Variants in RBFOX1 observed in about 807,000 individuals in gnomAD.
The protein encoded by RBFOX1 is RNA binding protein fox-1 homolog 1.
In RBFOX1, 8 loss-of-function variants were observed where a neutral mutation model predicts 57.7. The ratio of observed to expected loss-of-function variants is 0.14; its 90% confidence interval spans 0.08 to 0.25. The LOEUF (loss-of-function observed/expected upper bound fraction) is 0.25. Ranked by LOEUF, RBFOX1 falls within the 10% of genes least tolerant of loss-of-function variation. RBFOX1 has a pLI of 1.00. For synonymous variants in RBFOX1, 326 were observed against 222.4 expected, an observed-to-expected ratio of 1.47 and a Z score of -4.15; for missense variants, 611 against 548.5, an observed-to-expected ratio of 1.11 and a Z score of -1.14.
At chr16:7,615,809 A>G (rs557522546) in intron 10 of RBFOX1, among the ~76,000 whole-genome samples, 1 of 152,226 alleles carries the variant, frequency 6.6e-6, no homozygotes, top group African/African-American at 2.4e-5. Context: ...GCAATGCACA[A>G]GACATTCCTT....
At chr16:5,831,879 C>G (rs1024175670) in intron 3 of RBFOX1, among the ~76,000 whole-genome samples, 1 of 152,094 alleles carries the variant, frequency 6.6e-6, no homozygotes, top group African/African-American at 2.4e-5. Flanking sequence ...GTGAATGACC[C>G]CATGCTTGGA....
chr16:6,385,411 G>A (rs565119555), intron 2 of RBFOX1, among the ~76,000 whole-genome samples: 1 of 152,224 alleles, frequency 6.6e-6, no homozygotes, highest in Admixed American at 6.5e-5. Flanking sequence ...CCAGGCTGGA[G>A]TGCAGTGCCG....
chr16:7,649,121 G>A (rs958189601), intron 11 of RBFOX1, among the ~76,000 whole-genome samples: 1 of 152,114 alleles, frequency 6.6e-6, no homozygotes, highest in Non-Finnish European at 1.5e-5. Flanking sequence ...AAAGTAAAAT[G>A]GGGAAAGTAC....
chr16:7,695,735 T>C lies in RBFOX1; in HGVS notation c.996-13321T>C, dbSNP rs544202625. 5.3e-5 allele frequency among the ~76,000 whole-genome samples: 8 copies of C among 151,644 alleles called. No homozygotes were observed. In the East Asian group the frequency reaches 1.4e-3, roughly 26 times the overall value. On this transcript the variant is annotated intron_variant, in intron 14 of 15. Coordinates refer to ENST00000550418, the MANE Select transcript of RBFOX1 (RefSeq NM_018723.4). ...ACTGTAATGAGCTCTCACCTCCTTA[T>C]AAAAACATTTATTAGAGCAGGTGTA...
At chr16:6,386,315 A>G (rs2092277078) in intron 2 of RBFOX1, among the ~76,000 whole-genome samples, 1 of 152,198 alleles carries the variant, frequency 6.6e-6, no homozygotes, top group African/African-American at 2.4e-5. Flanking sequence ...GGCTGGGAAC[A>G]CCAATACCCG....
intron 2 of RBFOX1, among the ~76,000 whole-genome samples, chr16:6,338,112 G>A (rs2084021745): frequency 6.6e-6 from 1 of 152,148 alleles, no homozygotes; most frequent in African/African-American, 2.4e-5. Context: ...TCTACTATCA[G>A]ATACTTTGGA....
intron 2 of RBFOX1, among the ~76,000 whole-genome samples, chr16:6,522,902 A>G (rs971355774): frequency 4.0e-5 from 6 of 151,800 alleles, no homozygotes; most frequent in African/African-American, 1.2e-4. Flanking sequence ...ATCCCACCTA[A>G]GTTCATTTTG....
At chr16:6,626,226 T>G (rs1426617716) in intron 2 of RBFOX1, among the ~76,000 whole-genome samples, 1 of 151,932 alleles carries the variant, frequency 6.6e-6, no homozygotes, top group African/African-American at 2.4e-5. Context: ...TTATGCCCTC[T>G]GATTTTGTGT....
intron 3 of RBFOX1, among the ~76,000 whole-genome samples, chr16:6,729,609 A>G: frequency 6.6e-6 from 1 of 152,158 alleles, no homozygotes; most frequent in Non-Finnish European, 1.5e-5. Context: ...GGGCTTCTAA[A>G]GGGTTCTTGG....
At chr16:5,936,900 G>T (rs866625213) in intron 4 of RBFOX1, among the ~76,000 whole-genome samples, 1 of 152,160 alleles carries the variant, frequency 6.6e-6, no homozygotes, top group African/African-American at 2.4e-5. Flanking sequence ...TGGGGGTGTT[G>T]ACCAGGCTTA....
rs373070523 is a variant in RBFOX1 at position 7,555,101 on chromosome 16, GT to G, written c.271-24671del. 2.6e-3 allele frequency among the ~76,000 whole-genome samples: 398 copies of G among 152,330 alleles called. 1 individual carries two copies. Among genetic ancestry groups the G allele is most frequent in the South Asian group, 4.1e-3 (20 of 4,832 alleles). On this transcript the variant is annotated intron_variant, in intron 5 of 15. Transcript: ENST00000550418. ...ATTGTTGTGAGTAGGGTAAGGGGGG[GT>G]TTTTAGTAGAAGCCCATTAAATTAC...
At chr16:7,281,215 C>G (rs1360037176) in intron 4 of RBFOX1, among the ~76,000 whole-genome samples, 1 of 151,866 alleles carries the variant, frequency 6.6e-6, no homozygotes, top group East Asian at 1.9e-4. Context: ...GTTGGCCAAG[C>G]TGGTCTCAGA....
chr16:7,070,075 G>A (rs1598650592), intron 4 of RBFOX1, among the ~76,000 whole-genome samples: 1 of 152,072 alleles, frequency 6.6e-6, no homozygotes, highest in Non-Finnish European at 1.5e-5. Flanking sequence ...GTACATCACT[G>A]CTGTTGTAGG....
chr16:6,318,111 A>G (rs1215150671), intron 2 of RBFOX1, among the ~76,000 whole-genome samples: 1 of 152,180 alleles, frequency 6.6e-6, no homozygotes, highest in Non-Finnish European at 1.5e-5. Context: ...GCATATTCAA[A>G]TGCAGAGGGG....
chr16:7,505,885 G>A (rs2073099833), intron 4 of RBFOX1, among the ~76,000 whole-genome samples: 1 of 152,022 alleles, frequency 6.6e-6, no homozygotes, highest in South Asian at 2.1e-4. Context: ...AGAGTTCTTT[G>A]TTCAAGAGAT....
At chr16:6,912,183 A>T (rs771252161) in intron 3 of RBFOX1, among the ~76,000 whole-genome samples, 3 of 152,236 alleles carry the variant, frequency 2.0e-5, no homozygotes, top group Non-Finnish European at 4.4e-5. Flanking sequence ...ATAATCTGAA[A>T]CTTAAATTCC....
chr16:6,578,152 C>G (rs1272158399), intron 2 of RBFOX1, among the ~76,000 whole-genome samples: 1 of 152,224 alleles, frequency 6.6e-6, no homozygotes, highest in Non-Finnish European at 1.5e-5. Context: ...TACCTGCATT[C>G]TAACTACTAC....
chr16:5,536,627 G>A (rs1359983487), intron 2 of RBFOX1, among the ~76,000 whole-genome samples: 1 of 152,156 alleles, frequency 6.6e-6, no homozygotes, highest in Non-Finnish European at 1.5e-5. Context: ...GGTGATGTCA[G>A]CTGCATAAAT....
chr16:6,642,108 G>C (rs1430683621), intron 2 of RBFOX1, among the ~76,000 whole-genome samples: 2 of 152,158 alleles, frequency 1.3e-5, no homozygotes, highest in African/African-American at 2.4e-5. Context: ...TGGGGTCTGA[G>C]AGAAATGAAA....
Sources: gnomAD v4.1 joint callset for allele counts (sites outside exome capture counted in the v4.1 genomes callset) on GRCh38, gnomAD v4.1.1 for gene constraint, MANE v1.5 for transcripts, NCBI Gene and HGNC (gene_info 2026-07-23, HGNC 2026-07-21) for gene names.